Variants in NPSR1 observed in about 807,000 individuals in gnomAD.
The protein encoded by NPSR1 is neuropeptide S receptor 1.
A neutral mutation model predicts 46.9 loss-of-function variants in NPSR1; 48 were observed. The observed-to-expected ratio is 1.02, with a 90% confidence interval of 0.81 to 1.30. The LOEUF (loss-of-function observed/expected upper bound fraction) is 1.30. Among genes scored for constraint, NPSR1 ranks in the 50% most tolerant of loss-of-function variants. NPSR1 has a pLI of 0.00. For missense variants in NPSR1, 450 were observed against 449.5 expected (o/e 1.00, Z -0.01); for synonymous variants, 176 against 168.1 (o/e 1.05, Z -0.36).
At chr7:34,823,191 G>C (rs1334959498) in intron 4 of NPSR1, among the ~76,000 whole-genome samples, 6 of 151,976 alleles carry the variant, frequency 3.9e-5, no homozygotes, top group African/African-American at 1.2e-4. Flanking sequence ...ACAAGTTTGA[G>C]ACCAGCCTGG....
chr7:34,849,226 G>A, intron 8 of NPSR1: 1 of 797,018 alleles, frequency 1.3e-6, no homozygotes. Flanking sequence ...GCCAGTGGTT[G>A]AAGTTTATAT....
intron 2 of NPSR1, among the ~76,000 whole-genome samples, chr7:34,712,937 G>C (rs995918100): frequency 1.3e-5 from 2 of 152,148 alleles, no homozygotes; most frequent in Non-Finnish European, 2.9e-5. Context: ...GGATGGTACA[G>C]CTTGAATTTC....
chr7:34,873,615 G>C (rs1468673622), intron 8 of NPSR1, among the ~76,000 whole-genome samples: 6 of 151,554 alleles, frequency 4.0e-5, no homozygotes, highest in Non-Finnish European at 7.3e-5. Context: ...TAAACAACCA[G>C]ATCTCACATG....
At chr7:34,782,423 C>G (rs376946501) in intron 3 of NPSR1, among the ~76,000 whole-genome samples, 2 of 152,134 alleles carry the variant, frequency 1.3e-5, no homozygotes, top group East Asian at 3.9e-4. Flanking sequence ...ACTGAAGACC[C>G]TATCAATTCT....
chr7:34,875,226 T>C (rs1367563871), intron 8 of NPSR1, among the ~76,000 whole-genome samples: 1 of 152,192 alleles, frequency 6.6e-6, no homozygotes, highest in African/African-American at 2.4e-5. Flanking sequence ...AAAGTGACCA[T>C]ACTGAGCAAG....
chr7:34,768,160 A>G (rs974031306), intron 2 of NPSR1, among the ~76,000 whole-genome samples: 3 of 152,180 alleles, frequency 2.0e-5, no homozygotes, highest in Non-Finnish European at 4.4e-5. Flanking sequence ...ATAAAGAGGT[A>G]AAGACAAGAA....
At chr7:34,809,044 T>C (rs1362437669) in intron 3 of NPSR1, among the ~76,000 whole-genome samples, 1 of 152,170 alleles carries the variant, frequency 6.6e-6, no homozygotes, top group Non-Finnish European at 1.5e-5. Context: ...GTCACCTCCC[T>C]CAAGACAGCC....
At chr7:34,667,799 C>T (rs1394244958) in intron 1 of NPSR1, among the ~76,000 whole-genome samples, 1 of 151,960 alleles carries the variant, frequency 6.6e-6, no homozygotes, top group Non-Finnish European at 1.5e-5. Context: ...GGGCATTCAG[C>T]TTGGACTTTG....
intron 2 of NPSR1, chr7:34,758,213 G>A (rs1785975508): frequency 6.6e-6 from 1 of 152,538 alleles, no homozygotes; most frequent in African/African-American, 2.4e-5. Context: ...TAGGCACTTT[G>A]TATGTGTTAT....
At chr7:34,859,087 G>A (rs1791123424) in intron 8 of NPSR1, among the ~76,000 whole-genome samples, 1 of 151,626 alleles carries the variant, frequency 6.6e-6, no homozygotes, top group South Asian at 2.1e-4. Flanking sequence ...AAACAGGGAG[G>A]TGATCAACTG....
intron 8 of NPSR1, among the ~76,000 whole-genome samples, chr7:34,866,840 C>A (rs905888483): frequency 6.6e-6 from 1 of 151,728 alleles, no homozygotes; most frequent in Admixed American, 6.6e-5. Context: ...TTTCCTGCAG[C>A]AAAACCCATG....
chr7:34,692,524 C>A (rs1793316164), intron 2 of NPSR1, among the ~76,000 whole-genome samples: 1 of 151,964 alleles, frequency 6.6e-6, no homozygotes, highest in South Asian at 2.1e-4. Flanking sequence ...ATACAACATA[C>A]CAAAACCTCT....
At chr7:34,744,718 C>G (rs1368011646) in intron 2 of NPSR1, among the ~76,000 whole-genome samples, 1 of 152,210 alleles carries the variant, frequency 6.6e-6, no homozygotes, top group Non-Finnish European at 1.5e-5. Context: ...TCCATCATCT[C>G]TGTAAAACCA....
chr7:34,784,908 T>C (rs1413486730), intron 3 of NPSR1, among the ~76,000 whole-genome samples: 2 of 151,990 alleles, frequency 1.3e-5, no homozygotes, highest in Non-Finnish European at 2.9e-5. Flanking sequence ...TGTGGAGAAA[T>C]AGGAACACTT....
intron 3 of NPSR1, among the ~76,000 whole-genome samples, chr7:34,789,447 C>T (rs1787617235): frequency 6.6e-6 from 1 of 151,720 alleles, no homozygotes; most frequent in Non-Finnish European, 1.5e-5. Flanking sequence ...AAAGCTGAGA[C>T]ATTACAACTG....
intron 3 of NPSR1, among the ~76,000 whole-genome samples, chr7:34,780,332 A>G (rs1584003059): frequency 6.6e-6 from 1 of 152,180 alleles, no homozygotes; most frequent in Non-Finnish European, 1.5e-5. Context: ...CCAATTGTTA[A>G]CTTTAAAATG....
At chr7:34,747,129 C>CAAAAAAAA (rs5883471) in intron 2 of NPSR1, among the ~76,000 whole-genome samples, 17 of 106,912 alleles carry the variant, frequency 1.6e-4, no homozygotes, top group Admixed American at 3.9e-4. Context: ...ACCAAAAAAA[C>CAAAAAAAA]AAAAAAAAAA....
At chr7:34,820,871 T>C (rs1461087914) in intron 4 of NPSR1, among the ~76,000 whole-genome samples, 1 of 152,196 alleles carries the variant, frequency 6.6e-6, no homozygotes, top group African/African-American at 2.4e-5. Context: ...AACTTCTTAT[T>C]TGCAGGGGAA....
chr7:34,735,546 T>C (rs1449353201), intron 2 of NPSR1, among the ~76,000 whole-genome samples: 1 of 152,226 alleles, frequency 6.6e-6, no homozygotes, highest in East Asian at 1.9e-4. Context: ...AAGTGATTAG[T>C]AGAATATAAG....
Sources: allele counts gnomAD v4.1 joint callset (sites outside exome capture counted in the v4.1 genomes callset), GRCh38; gene constraint gnomAD v4.1.1; transcripts MANE v1.5; gene names NCBI Gene and HGNC (gene_info 2026-07-23, HGNC 2026-07-21).